The following ASTN2 variants were observed in gnomAD, a reference collection of about 807,000 sequenced individuals.
The protein encoded by ASTN2 is astrotactin-2.
ASTN2 carries 54 observed loss-of-function variants against 139.8 expected under a neutral mutation model. The ratio of observed to expected loss-of-function variants is 0.39; its 90% CI spans 0.31 to 0.48. ASTN2 has a LOEUF of 0.48. ASTN2 is among the 20% of genes least tolerant of loss of function. The probability of loss-of-function intolerance (pLI) is 0.95; values close to 1 mark genes in which losing one functional copy is unlikely to be tolerated. For missense variants in ASTN2, 1,565 were observed against 1,725.1 expected (o/e 0.91, Z 1.64); for synonymous variants, 756 against 719.5 (o/e 1.05, Z -0.81).
chr9:117,309,339 C>T (rs1419854335), intron 1 of ASTN2, among the ~76,000 whole-genome samples: 1 of 152,182 alleles, frequency 6.6e-6, no homozygotes, highest in Non-Finnish European at 1.5e-5. Flanking sequence ...GCTAGATAGA[C>T]CTTAAGAGAG....
chr9:116,897,198 T>A (rs1306891931), intron 10 of ASTN2, among the ~76,000 whole-genome samples: 1 of 152,070 alleles, frequency 6.6e-6, no homozygotes, highest in Non-Finnish European at 1.5e-5. Flanking sequence ...AAGGACCAAA[T>A]GTAGATGGGA....
chr9:117,261,617 A>T (rs1833824538), intron 2 of ASTN2, among the ~76,000 whole-genome samples: 1 of 152,108 alleles, frequency 6.6e-6, no homozygotes, highest in African/African-American at 2.4e-5. Flanking sequence ...CATTTCTCTT[A>T]AAATGTCTCC....
chr9:116,680,541 T>C (rs1195314840), intron 16 of ASTN2, among the ~76,000 whole-genome samples: 2 of 152,166 alleles, frequency 1.3e-5, no homozygotes, highest in African/African-American at 2.4e-5. Flanking sequence ...AGCATCATCC[T>C]GATACCAAAG....
chr9:116,993,480 C>A (rs546664735), intron 7 of ASTN2, among the ~76,000 whole-genome samples: 1 of 150,650 alleles, frequency 6.6e-6, no homozygotes, highest in East Asian at 2.0e-4. Context: ...ACACACACAC[C>A]CCTCATCTTC....
chr9:117,215,895 G>T (rs1832303362), intron 2 of ASTN2, among the ~76,000 whole-genome samples: 1 of 152,198 alleles, frequency 6.6e-6, no homozygotes, highest in South Asian at 2.1e-4. Flanking sequence ...ATACAGGGTA[G>T]AGAGAGGCTT....
intron 1 of ASTN2, among the ~76,000 whole-genome samples, chr9:117,380,321 AC>A (rs1382015970): frequency 1.3e-5 from 2 of 152,136 alleles, no homozygotes; most frequent in African/African-American, 2.4e-5. Flanking sequence ...AAGAATGATG[AC>A]CAGGCCAGGC....
intron 19 of ASTN2, among the ~76,000 whole-genome samples, chr9:116,565,431 T>A (rs868712903): frequency 4.2e-4 from 49 of 117,738 alleles, no homozygotes; most frequent in Non-Finnish European, 6.0e-4. Flanking sequence ...ATATATATAT[T>A]TATTTATTTA....
At chr9:116,446,279 A>AGAGAGAGT (rs1847993690) in intron 20 of ASTN2, among the ~76,000 whole-genome samples, 15 of 126,334 alleles carry the variant, frequency 1.2e-4, no homozygotes, top group Non-Finnish European at 2.2e-4. Context: ...AGATAGAGAG[A>AGAGAGAGT]GAGAGAGAGA....
chr9:117,320,123 TAG>T (rs1828282047), intron 1 of ASTN2, among the ~76,000 whole-genome samples: 1 of 152,268 alleles, frequency 6.6e-6, no homozygotes, highest in Admixed American at 6.5e-5. Flanking sequence ...GCATTGATCT[TAG>T]AGATTATTAT....
At chr9:116,812,329 G>A (rs1241941805) in intron 12 of ASTN2, among the ~76,000 whole-genome samples, 2 of 152,142 alleles carry the variant, frequency 1.3e-5, no homozygotes, top group Non-Finnish European at 1.5e-5. Flanking sequence ...GATTACTTGG[G>A]TGATCTCAAT....
At chr9:117,038,593 CAT>C (rs919557523) in intron 6 of ASTN2, among the ~76,000 whole-genome samples, 15 of 151,982 alleles carry the variant, frequency 9.9e-5, no homozygotes, top group Admixed American at 9.8e-4. Flanking sequence ...CTCATCGAGA[CAT>C]ATATATTTTA....
intron 5 of ASTN2, among the ~76,000 whole-genome samples, chr9:117,091,083 A>G (rs2132744297): frequency 6.6e-6 from 1 of 152,266 alleles, no homozygotes; most frequent in African/African-American, 2.4e-5. Context: ...GTAGAAAAAT[A>G]GGGAGAGGTA....
At chr9:116,893,630 T>C (rs73655515) in intron 10 of ASTN2, among the ~76,000 whole-genome samples, 6,631 of 152,210 alleles carry the variant, frequency 0.044, 286 homozygotes, top group African/African-American at 0.11. Flanking sequence ...GGTGCCTGCA[T>C]GGAGTGAGCA....
At chr9:116,554,450 G>A (rs1314452537) in intron 19 of ASTN2, among the ~76,000 whole-genome samples, 3 of 152,134 alleles carry the variant, frequency 2.0e-5, no homozygotes, top group East Asian at 1.9e-4. Flanking sequence ...TGTGTTACAT[G>A]GTATTTACGA....
intron 13 of ASTN2, among the ~76,000 whole-genome samples, chr9:116,751,058 C>T (rs185417539): frequency 1.3e-5 from 2 of 152,090 alleles, no homozygotes; most frequent in Non-Finnish European, 2.9e-5. Flanking sequence ...GTCTATAATA[C>T]CCTACTCCAC....
intron 1 of ASTN2, among the ~76,000 whole-genome samples, chr9:117,335,957 A>C (rs1469577782): frequency 1.3e-5 from 2 of 152,042 alleles, no homozygotes; most frequent in Non-Finnish European, 2.9e-5. Flanking sequence ...CACATTTAGC[A>C]ATGCTCATAA....
At chr9:117,379,813 T>C (rs1258772630) in intron 1 of ASTN2, among the ~76,000 whole-genome samples, 3 of 152,234 alleles carry the variant, frequency 2.0e-5, no homozygotes, top group Non-Finnish European at 4.4e-5. Flanking sequence ...AGCTGGATGA[T>C]AGGATTTATC....
intron 17 of ASTN2, among the ~76,000 whole-genome samples, chr9:116,650,197 G>C (rs1857831671): frequency 6.6e-6 from 1 of 152,186 alleles, no homozygotes; most frequent in South Asian, 2.1e-4. Flanking sequence ...GATCAAATGG[G>C]AGATGCTTTA....
At chr9:116,902,490 C>A (rs571489291) in intron 10 of ASTN2, among the ~76,000 whole-genome samples, 2 of 152,168 alleles carry the variant, frequency 1.3e-5, no homozygotes, top group African/African-American at 4.8e-5. Flanking sequence ...CTTAGATACA[C>A]AAATACCATT....
Sources: gnomAD v4.1 joint callset for allele counts (sites outside exome capture counted in the v4.1 genomes callset) on GRCh38, gnomAD v4.1.1 for gene constraint, MANE v1.5 for transcripts, NCBI Gene and HGNC (gene_info 2026-07-23, HGNC 2026-07-21) for gene names.